Variants in PRDM5 observed in about 807,000 individuals in gnomAD.
The protein encoded by PRDM5 is PR/SET domain 5.
A neutral mutation model predicts 81.2 loss-of-function variants in PRDM5; 56 were observed. That is an observed-to-expected ratio of 0.69 (90% CI 0.56 to 0.86). The LOEUF (loss-of-function observed/expected upper bound fraction) is 0.86. Ranked by LOEUF, PRDM5 falls within the 40% of genes least tolerant of loss-of-function variation. The pLI, the probability that PRDM5 is intolerant of heterozygous loss-of-function variation, is 0.00. For synonymous variants in PRDM5, 267 were observed against 256.4 expected, an observed-to-expected ratio of 1.04 and a Z score of -0.39; for missense variants, 697 against 770.1, an observed-to-expected ratio of 0.91 and a Z score of 1.12.
At chr4:120,736,759 T>G (rs555394820) in intron 14 of PRDM5, among the ~76,000 whole-genome samples, 1 of 152,310 alleles carries the variant, frequency 6.6e-6, no homozygotes, top group South Asian at 2.1e-4. Flanking sequence ...ATTTGCAGAA[T>G]TAGTGAATTT....
At chr4:120,900,749 A>G (rs973299410) in intron 2 of PRDM5, among the ~76,000 whole-genome samples, 1 of 152,228 alleles carries the variant, frequency 6.6e-6, no homozygotes, top group African/African-American at 2.4e-5. Flanking sequence ...TCACAATCAT[A>G]CAAAAACAGC....
chr4:120,873,753 T>C (rs1762076825), intron 2 of PRDM5, among the ~76,000 whole-genome samples: 1 of 152,212 alleles, frequency 6.6e-6, no homozygotes, highest in African/African-American at 2.4e-5. Context: ...ATCTACTTTT[T>C]CCCCACTAGG....
chr4:120,759,600 T>C (rs1161133184), intron 13 of PRDM5, among the ~76,000 whole-genome samples: 1 of 152,250 alleles, frequency 6.6e-6, no homozygotes, highest in Non-Finnish European at 1.5e-5. Flanking sequence ...CTGTGAAGAA[T>C]GTTTCTAGGA....
chr4:120,895,879 C>T (rs1179035617), intron 2 of PRDM5, among the ~76,000 whole-genome samples: 1 of 152,146 alleles, frequency 6.6e-6, no homozygotes, highest in Non-Finnish European at 1.5e-5. Flanking sequence ...TGCTTTGTTG[C>T]AATCTCTTCC....
At chr4:120,738,573 C>A (rs1435288601) in intron 14 of PRDM5, among the ~76,000 whole-genome samples, 1 of 152,052 alleles carries the variant, frequency 6.6e-6, no homozygotes, top group East Asian at 1.9e-4. Context: ...ATACTATAAG[C>A]CTTTCTAAAC....
In PRDM5 at chr4:120,832,580, G is replaced by A. The variant is rs112253930; in HGVS notation, c.301-11235C>T. ...CCCCATGAGCTTGTGAGCCCCCTGA[G>A]GGCAGGCACTATATCATATTCACCT... On this transcript the variant is annotated intron_variant, in intron 3 of 15. Coordinates refer to ENST00000264808, the MANE Select transcript of PRDM5 (RefSeq NM_018699.4). Among the ~76,000 whole-genome samples, 66 of 152,222 alleles carry A rather than the reference G, an allele frequency of 4.3e-4. 1 individual carries two copies. Among genetic ancestry groups the A allele is most frequent in the African/African-American group, 1.1e-3 (46 of 41,538 alleles).
intron 5 of PRDM5, chr4:120,818,139 C>A: frequency 1.9e-6 from 1 of 530,616 alleles, no homozygotes; most frequent in Non-Finnish European, 3.3e-6. Context: ...TGTTAAAATC[C>A]ATAATTTGAA....
In PRDM5 at chr4:120,695,127, C is replaced by T; in HGVS notation, c.1877G>A (p.Gly626Asp). The change falls in exon 16 of 16, where the codon GGT becomes GAT. Residue 626 changes from glycine (G) to aspartate (D), a missense_variant. Physicochemically the swap from Gly to Asp is moderately conservative, Grantham distance 94. This residue lies in a region of PRDM5 where 34 missense variants were observed against 28.1 expected (regional missense o/e 1.21). Coordinates refer to ENST00000264808, the MANE Select transcript of PRDM5 (RefSeq NM_018699.4). ...YLKVHMDNIH[G>D]VADS is the part of the protein sequence containing the mutation. ...CAGCCCCTATTAGCTGTCAGCTACA[C>T]CATGGATATTGTCCATGTGCACTTT... 1 of 1,612,952 alleles carries T rather than the reference C, an allele frequency of 6.2e-7. No individual in the cohort carries two copies. The highest frequency in any genetic ancestry group is 8.5e-7 in the Non-Finnish European group (1 of 1,179,078).
intron 14 of PRDM5, among the ~76,000 whole-genome samples, chr4:120,732,179 A>G (rs566501510): frequency 3.2e-4 from 48 of 152,254 alleles, no homozygotes; most frequent in African/African-American, 1.0e-3. Context: ...GAGAATTTGC[A>G]GGGTCTATTA....
chr4:120,757,255 T>C (rs138337415), intron 13 of PRDM5, among the ~76,000 whole-genome samples: 1 of 152,204 alleles, frequency 6.6e-6, no homozygotes, highest in Non-Finnish European at 1.5e-5. Flanking sequence ...AGACATAGCT[T>C]TTTTCATACA....
chr4:120,758,068 T>C (rs1237873460), intron 13 of PRDM5, among the ~76,000 whole-genome samples: 1 of 152,128 alleles, frequency 6.6e-6, no homozygotes, highest in African/African-American at 2.4e-5. Context: ...TGGACTGACT[T>C]ACATCATTGG....
intron 14 of PRDM5, among the ~76,000 whole-genome samples, chr4:120,752,706 G>T (rs1578596534): frequency 6.6e-6 from 1 of 152,104 alleles, no homozygotes; most frequent in African/African-American, 2.4e-5. Flanking sequence ...GCAAAAAAAT[G>T]CAAATGGTCT....
At chr4:120,785,589 A>G (rs1749663796) in intron 10 of PRDM5, among the ~76,000 whole-genome samples, 1 of 152,166 alleles carries the variant, frequency 6.6e-6, no homozygotes, top group Non-Finnish European at 1.5e-5. Flanking sequence ...CCTAAATTAC[A>G]CTAGAGCACT....
chr4:120,890,811 A>G lies in PRDM5; in HGVS notation c.177+16663T>C, dbSNP rs535141388. The stretch of plus-strand genomic sequence containing the variant: ...GTTCATATCATTTGTCCACCTTTAA[A>G]TGGGGTTGTTTGGTTTTTGCTTGTT... On this transcript the variant is annotated intron_variant, in intron 2 of 15. Transcript: ENST00000264808. Among the ~76,000 whole-genome samples the G allele has an allele frequency of 7.9e-5, 12 of 152,238 alleles. No homozygotes were observed. The East Asian group carries it at 1.9e-3, about 24-fold the overall frequency.
In PRDM5 at chr4:120,693,433, T is replaced by C. The variant is rs1373448910; in HGVS notation, c.*1678A>G. ...AAATATATTGTTGAAACAAATGATA[T>C]AGTGAGAAACAAGACCAAAATTTAT... On this transcript the variant is annotated 3_prime_UTR_variant, in exon 16 of 16. Transcript: ENST00000264808. The C allele has an allele frequency of 6.6e-6, 1 of 152,142 alleles. No homozygotes were observed. Among genetic ancestry groups the C allele is most frequent in the African/African-American group, 2.4e-5 (1 of 41,454 alleles). The allele number at this position is 152,142 out of a possible 1,614,324, so 9.4% of individuals were successfully genotyped here.
At chr4:120,750,965 T>C (rs919191588) in intron 14 of PRDM5, among the ~76,000 whole-genome samples, 1 of 152,020 alleles carries the variant, frequency 6.6e-6, no homozygotes, top group African/African-American at 2.4e-5. Context: ...CAGAAACTAT[T>C]TATTTTCTTA....
At position 120,798,346 on chromosome 4, in the gene PRDM5, T is replaced by G. The variant is rs1751625537; in HGVS notation, c.1109A>C (p.His370Pro). The G allele has an allele frequency of 1.2e-6, 2 of 1,613,542 alleles. No individual in the cohort carries two copies. Among genetic ancestry groups the G allele is most frequent in the Non-Finnish European group, 1.7e-6 (2 of 1,179,610 alleles). The change falls in exon 10 of 16, where the codon CAC (histidine) becomes CCC (proline). Residue 370 changes from histidine (H) to proline (P), a missense_variant. Around this residue, in one of 3 missense-constraint regions of PRDM5, gnomAD observed 577 missense variants for 606.7 expected, o/e 0.95. Transcript: ENST00000264808. The part of the protein sequence containing the change: ...LDQVGAHKVI[H>P]SEDKPYKCKL... ...GCATTTGTAAGGTTTGTCTTCGCTG[T>G]GTATTACTTTGTGAGCACCCACTTG...
chr4:120,801,923 G>A (rs1041618962), intron 8 of PRDM5, among the ~76,000 whole-genome samples: 6 of 152,106 alleles, frequency 3.9e-5, no homozygotes, highest in Non-Finnish European at 8.8e-5. Flanking sequence ...CTAAAGAGAT[G>A]TCATACCTTC....
chr4:120,915,945 C>T (rs1461859980), intron 1 of PRDM5, among the ~76,000 whole-genome samples: 4 of 152,054 alleles, frequency 2.6e-5, no homozygotes, highest in African/African-American at 9.7e-5. Flanking sequence ...AATAACACAG[C>T]GAAGTCCACT....
Sources: gnomAD v4.1 joint callset for allele counts (sites outside exome capture counted in the v4.1 genomes callset) on GRCh38, gnomAD v4.1.1 for gene constraint, gnomAD v4.1.1 regional missense constraint, MANE v1.5 for transcripts, NCBI Gene and HGNC (gene_info 2026-07-23, HGNC 2026-07-21) for gene names.